Variants in GALNTL5 observed in about 807,000 individuals in gnomAD.
The protein encoded by GALNTL5 is polypeptide N-acetylgalactosaminyltransferase like 5, also known as inactive polypeptide N-acetylgalactosaminyltransferase-like protein 5.
GALNTL5 carries 44 observed loss-of-function variants against 51.0 expected under a neutral mutation model. The ratio of observed to expected loss-of-function variants is 0.86; its 90% confidence interval spans 0.68 to 1.11. The LOEUF (loss-of-function observed/expected upper bound fraction) is 1.11, where lower values mean the gene tolerates loss of function less well. GALNTL5 is among the 50% of genes least tolerant of loss of function. The pLI, the probability that GALNTL5 is intolerant of heterozygous loss-of-function variation, is 0.00. For synonymous variants in GALNTL5, 192 were observed against 182.8 expected (o/e 1.05, Z -0.41); for missense variants, 528 against 531.8 (o/e 0.99, Z 0.07).
intron 5 of GALNTL5, among the ~76,000 whole-genome samples, chr7:151,987,587 G>A (rs2081373825): frequency 8.0e-6 from 1 of 124,836 alleles, no homozygotes; most frequent in South Asian, 2.9e-4. Flanking sequence ...GACCCACTGG[G>A]AGCCACAAGA....
intron 3 of GALNTL5, among the ~76,000 whole-genome samples, chr7:151,980,763 TGAG>T (rs1461574048): frequency 5.4e-5 from 5 of 92,532 alleles, no homozygotes; most frequent in Admixed American, 1.3e-4. Context: ...TTTTTTTTTT[TGAG>T]ATGGAGTCTC....
In GALNTL5 at chr7:152,002,843, C is replaced by T; in HGVS notation, c.788C>T (p.Thr263Ile). 2 of 1,614,158 alleles carry T rather than the reference C, an allele frequency of 1.2e-6. No individual in the cohort carries two copies. Among genetic ancestry groups the T allele is most frequent in the Non-Finnish European group, 1.7e-6 (2 of 1,180,022 alleles). ...CTGATAGATGTCATTGATGATAGAA[C>T]TCTGGAGTATAAGCCCTCTCCTCTT... Reference protein sequence around the residue: ...CPLIDVIDDRTLEYKPSPLVR... With the variant: ...CPLIDVIDDRILEYKPSPLVR... The change falls in exon 6 of 9, where the codon ACT becomes ATT. Residue 263 changes from threonine to isoleucine, a missense_variant. Coordinates refer to ENST00000392800, the MANE Select transcript of GALNTL5 (RefSeq NM_145292.4).
chr7:151,989,943 A>C (rs988955789), intron 5 of GALNTL5, among the ~76,000 whole-genome samples: 3 of 152,220 alleles, frequency 2.0e-5, no homozygotes, highest in Non-Finnish European at 4.4e-5. Flanking sequence ...ACATGGCCTT[A>C]TAACAGAAAT....
At chr7:151,964,495 CA>C (rs984423717) in intron 1 of GALNTL5, among the ~76,000 whole-genome samples, 4 of 152,110 alleles carry the variant, frequency 2.6e-5, no homozygotes, top group African/African-American at 9.7e-5. Context: ...ATGGTTCTAT[CA>C]GGGGGAATTT....
chr7:151,984,742 G>T (rs941700293), intron 4 of GALNTL5, among the ~76,000 whole-genome samples: 2 of 152,150 alleles, frequency 1.3e-5, no homozygotes, highest in African/African-American at 4.8e-5. Context: ...TTGGTGACTT[G>T]CTGGGCAAGA....
intron 8 of GALNTL5, among the ~76,000 whole-genome samples, chr7:152,018,040 T>A (rs955567108): frequency 6.6e-6 from 1 of 152,156 alleles, no homozygotes; most frequent in Admixed American, 6.5e-5. Context: ...GAGACGGGGT[T>A]TCACCATATT....
At chr7:152,016,548 T>C (rs2081817036) in intron 8 of GALNTL5, among the ~76,000 whole-genome samples, 1 of 152,206 alleles carries the variant, frequency 6.6e-6, no homozygotes, top group African/African-American at 2.4e-5. Flanking sequence ...AAGATCTGAA[T>C]ACCTTGTGAT....
intron 3 of GALNTL5, among the ~76,000 whole-genome samples, chr7:151,978,942 C>G (rs1435490291): frequency 6.6e-6 from 1 of 152,006 alleles, no homozygotes; most frequent in Non-Finnish European, 1.5e-5. Context: ...GTCCTGGGGA[C>G]TAGAACTTCA....
Position 152,014,756 on chromosome 7 carries a change from A to G in GALNTL5, c.1139A>G (p.Tyr380Cys), listed in dbSNP as rs1219699821. The G allele has an allele frequency of 6.2e-6, 10 of 1,613,108 alleles. No homozygotes were observed. Among genetic ancestry groups the G allele is most frequent in the Non-Finnish European group, 8.5e-6 (10 of 1,179,726 alleles). Reference protein sequence around the residue: ...STIISAMTHNYLRLVHVWLDE... With the variant: ...STIISAMTHNCLRLVHVWLDE... ...ATCATCAGTGCTATGACACATAACTACCTAAGACTGGTGCACGTTTGGCTG... is the reference window on the plus strand; with the variant it reads ...ATCATCAGTGCTATGACACATAACTGCCTAAGACTGGTGCACGTTTGGCTG... The change falls in exon 8 of 9, where the codon TAC becomes TGC. Residue 380 changes from tyrosine (Y) to cysteine (C), a missense_variant. Tyr to Cys is a radical substitution (Grantham distance 194, BLOSUM62 -2). Coordinates refer to ENST00000392800, the MANE Select transcript of GALNTL5 (RefSeq NM_145292.4).
At chr7:151,993,412 G>A (rs1368328850) in intron 5 of GALNTL5, among the ~76,000 whole-genome samples, 1 of 152,116 alleles carries the variant, frequency 6.6e-6, no homozygotes, top group Non-Finnish European at 1.5e-5. Context: ...CCAATAAACT[G>A]CACAGGCACT....
At chr7:151,970,795 A>G (rs2081125266) in intron 2 of GALNTL5, 150 bp from the exon 3 acceptor site, 2 of 556,326 alleles carry the variant, frequency 3.6e-6, no homozygotes, top group Non-Finnish European at 6.2e-6. Context: ...CACCTTTGCC[A>G]AGAATTATTT....
intron 3 of GALNTL5, among the ~76,000 whole-genome samples, chr7:151,974,290 G>A (rs2081182420): frequency 6.6e-6 from 1 of 151,870 alleles, no homozygotes; most frequent in African/African-American, 2.4e-5. Context: ...TATAGTATTT[G>A]TCTTTTTTTG....
intron 5 of GALNTL5, among the ~76,000 whole-genome samples, chr7:151,999,696 A>G (rs1477904864): frequency 1.3e-5 from 2 of 152,218 alleles, no homozygotes; most frequent in Non-Finnish European, 2.9e-5. Flanking sequence ...ATGAGCAGAC[A>G]TGATTTTAAA....
intron 1 of GALNTL5, among the ~76,000 whole-genome samples, chr7:151,958,603 T>A (rs990713717): frequency 6.7e-6 from 1 of 149,954 alleles, no homozygotes; most frequent in African/African-American, 2.5e-5. Context: ...TACAGCTCAT[T>A]CTGTCCCACC....
chr7:151,965,680 G>C (rs143475110), intron 1 of GALNTL5, among the ~76,000 whole-genome samples: 1 of 151,998 alleles, frequency 6.6e-6, no homozygotes, highest in Non-Finnish European at 1.5e-5. Context: ...GGAGTTCAAG[G>C]CCAGCCTGGG....
At chr7:151,960,296 T>A (rs1379639585) in intron 1 of GALNTL5, 2 of 152,272 alleles carry the variant, frequency 1.3e-5, no homozygotes, top group Non-Finnish European at 2.9e-5. Context: ...CCATCCTGAT[T>A]CACAGCCAGT....
chr7:151,996,781 C>T (rs1247923464), intron 5 of GALNTL5, among the ~76,000 whole-genome samples: 2 of 138,346 alleles, frequency 1.4e-5, no homozygotes, highest in African/African-American at 2.8e-5. Flanking sequence ...ACAGCAATAA[C>T]ATAACGTGTA....
chr7:151,982,086 A>G (rs184151672), intron 3 of GALNTL5, among the ~76,000 whole-genome samples: 259 of 152,278 alleles, frequency 1.7e-3, no homozygotes, highest in African/African-American at 5.9e-3. Context: ...TTCAGCTTCT[A>G]TATTTCCCTC....
At chr7:151,979,224 C>T (rs1437630283) in intron 3 of GALNTL5, among the ~76,000 whole-genome samples, 1 of 150,080 alleles carries the variant, frequency 6.7e-6, no homozygotes, top group Non-Finnish European at 1.5e-5. Context: ...ATTCTCCTTC[C>T]TCAGCCTCCC....
Sources: gnomAD v4.1 joint callset for allele counts (sites outside exome capture counted in the v4.1 genomes callset) on GRCh38, gnomAD v4.1.1 for gene constraint, MANE v1.5 for transcripts, NCBI Gene and HGNC (gene_info 2026-07-23, HGNC 2026-07-21) for gene names.